ASH1L: variants seen among roughly 807,000 people sequenced by gnomAD.
ASH1L encodes the protein histone-lysine N-methyltransferase ASH1L.
ASH1L carries 23 observed loss-of-function variants against 269.0 expected under a neutral mutation model. The ratio of observed to expected loss-of-function variants is 0.09; its 90% CI spans 0.06 to 0.12. The LOEUF (loss-of-function observed/expected upper bound fraction) is 0.12, where lower values mean the gene tolerates loss of function less well. Ranked by LOEUF, ASH1L falls within the 10% of genes least tolerant of loss-of-function variation. The probability of loss-of-function intolerance (pLI) is 1.00; values close to 1 mark genes in which losing one functional copy is unlikely to be tolerated. For synonymous variants in ASH1L, 1,187 were observed against 1,253.5 expected (o/e 0.95, Z 1.12); for missense variants, 2,912 against 3,567.8 (o/e 0.82, Z 4.68).
chr1:155,514,809 C>T (rs1668389620), intron 2 of ASH1L, among the ~76,000 whole-genome samples: 2 of 152,030 alleles, frequency 1.3e-5, no homozygotes, highest in Admixed American at 1.3e-4. Context: ...GAGCAATCAT[C>T]GAAACTGATC....
chr1:155,375,200 T>C (rs558735348), intron 10 of ASH1L, among the ~76,000 whole-genome samples: 5 of 152,022 alleles, frequency 3.3e-5, no homozygotes, highest in Admixed American at 3.3e-4. Flanking sequence ...AATAAAAGAG[T>C]GCTCAGATAA....
intron 5 of ASH1L, among the ~76,000 whole-genome samples, chr1:155,422,971 G>A (rs1357881022): frequency 2.4e-5 from 3 of 124,084 alleles, no homozygotes; most frequent in South Asian, 2.6e-4. Context: ...TTTTTCAGAC[G>A]GAGTCTCGCT....
At chr1:155,392,485 T>C (rs1304636057) in intron 7 of ASH1L, among the ~76,000 whole-genome samples, 1 of 152,162 alleles carries the variant, frequency 6.6e-6, no homozygotes, top group Non-Finnish European at 1.5e-5. Flanking sequence ...GATGCATTTT[T>C]TTCTTATTTA....
chr1:155,402,601 C>G (rs1434668538), intron 6 of ASH1L, among the ~76,000 whole-genome samples: 1 of 152,142 alleles, frequency 6.6e-6, no homozygotes, highest in Non-Finnish European at 1.5e-5. Flanking sequence ...CCAGGTTGTA[C>G]AGTGGTGCAA....
chr1:155,433,839 C>G lies in ASH1L; in HGVS notation c.5828+4488G>C, dbSNP rs774325974. On this transcript the variant is annotated intron_variant, in intron 5 of 27. Coordinates refer to ENST00000392403, the MANE Select transcript of ASH1L (RefSeq NM_018489.3). Reference sequence around the variant, plus strand: ...GACAACAATGAAAATCTTCAGGAGACATGCAAAGCAGAAACCCTCTTGCAG... The same window carrying G: ...GACAACAATGAAAATCTTCAGGAGAGATGCAAAGCAGAAACCCTCTTGCAG... 47 of 1,606,714 alleles carry G rather than the reference C, an allele frequency of 2.9e-5. No homozygotes were observed. The South Asian group carries it at 5.1e-4, about 18-fold the overall frequency.
intron 2 of ASH1L, among the ~76,000 whole-genome samples, chr1:155,491,428 T>A (rs890525238): frequency 6.6e-5 from 10 of 152,092 alleles, no homozygotes; most frequent in African/African-American, 2.4e-4. Context: ...CAAATACTTA[T>A]GAAAAACTGT....
At chr1:155,351,023 G>A (rs1353110116) in intron 17 of ASH1L, among the ~76,000 whole-genome samples, 1 of 143,886 alleles carries the variant, frequency 6.9e-6, no homozygotes, top group Non-Finnish European at 1.5e-5. Flanking sequence ...AGATCACGAG[G>A]TCAAGAGATT....
In ASH1L at chr1:155,343,630, G is replaced by T; in HGVS notation, c.8094C>A (p.Arg2698=). 1 of 1,614,182 alleles carries T rather than the reference G, an allele frequency of 6.2e-7. No homozygotes were observed. The highest frequency in any genetic ancestry group is 8.5e-7 in the Non-Finnish European group (1 of 1,180,038). The change falls in exon 23 of 28, where the codon CGC becomes CGA. Residue 2698 remains arginine, a synonymous_variant. Coordinates refer to ENST00000392403, the MANE Select transcript of ASH1L (RefSeq NM_018489.3). The surrounding 1 kb of genome is among the most constrained non-coding windows in gnomAD (Gnocchi z 6.1). ...TTTCATTCTTCCAAAGCTTCTCAAT[G>T]CGAAAGATGTCAAGTTTATCTCGGT... is the stretch of plus-strand genomic sequence containing the variant. ...HINRDKLDIF[R]IEKLWKNEKE...
chr1:155,354,516 G>A lies in ASH1L; in HGVS notation c.7170C>T (p.Thr2390=), dbSNP rs761224594. 1 of 1,613,300 alleles carries A rather than the reference G, an allele frequency of 6.2e-7. No individual in the cohort carries two copies. Among genetic ancestry groups the A allele is most frequent in the Non-Finnish European group, 8.5e-7 (1 of 1,179,814 alleles). Residue 2390 remains threonine (T), a synonymous_variant, in exon 16 of 28, where the codon ACC becomes ACT. Transcript: ENST00000392403. ...CATCTCGGCAGATCCCATTCCAACG[G>A]GTATATAATGATGCTGAGTGAATAT... ...SDNIHSASLY[T]RWNGICRDDG...
chr1:155,370,338 G>A (rs1655829370), intron 12 of ASH1L, 166 bp downstream of exon 12: 1 of 776,538 alleles, frequency 1.3e-6, no homozygotes, highest in Non-Finnish European at 2.1e-6. Flanking sequence ...GGAGTGAGAA[G>A]TTAGGGTGAA....
chr1:155,382,769 A>T (rs1221404155), intron 7 of ASH1L, among the ~76,000 whole-genome samples: 1 of 151,158 alleles, frequency 6.6e-6, no homozygotes, highest in Non-Finnish European at 1.5e-5. Flanking sequence ...TCTGTCACCC[A>T]GCCTGGAGTA....
At chr1:155,557,114 A>C (rs1671647332) in intron 1 of ASH1L, among the ~76,000 whole-genome samples, 1 of 152,172 alleles carries the variant, frequency 6.6e-6, no homozygotes, top group African/African-American at 2.4e-5. Context: ...CAAATGACTA[A>C]AGACTATGAA....
chr1:155,340,263 A>G (rs559008592), intron 25 of ASH1L, among the ~76,000 whole-genome samples: 21 of 152,156 alleles, frequency 1.4e-4, no homozygotes, highest in African/African-American at 3.9e-4. Context: ...GGCTCACTGC[A>G]ATCTCTGCCT....
At chr1:155,397,693 G>A (rs73008987) in intron 6 of ASH1L, among the ~76,000 whole-genome samples, 294 of 152,152 alleles carry the variant, frequency 1.9e-3, no homozygotes, top group Non-Finnish European at 1.2e-3. Context: ...TGGGATTACA[G>A]ATGCCAACTA....
intron 12 of ASH1L, among the ~76,000 whole-genome samples, chr1:155,367,168 A>G (rs993528796): frequency 2.0e-5 from 3 of 151,632 alleles, no homozygotes; most frequent in Non-Finnish European, 4.4e-5. Flanking sequence ...TAATTTTTAT[A>G]TTTTTAGTAG....
chr1:155,375,817 T>C (rs1205327178), intron 10 of ASH1L, among the ~76,000 whole-genome samples: 2 of 143,844 alleles, frequency 1.4e-5, no homozygotes, highest in Non-Finnish European at 3.0e-5. Flanking sequence ...AAAAGAAAAA[T>C]GAGACAGTCG....
chr1:155,563,063 G>C (rs192789180), upstream of ASH1L: 1 of 458,680 alleles, frequency 2.2e-6, no homozygotes, highest in Non-Finnish European at 4.4e-6. Context: ...CGAGCCCCAC[G>C]ACAACCTACC....
chr1:155,383,802 T>C (rs1043462864), intron 7 of ASH1L, among the ~76,000 whole-genome samples: 1 of 152,144 alleles, frequency 6.6e-6, no homozygotes, highest in South Asian at 2.1e-4. Context: ...GTTTAATGGG[T>C]ACAGAGTTAC....
intron 5 of ASH1L, chr1:155,434,113 C>G (rs1661872574): frequency 6.9e-6 from 11 of 1,595,162 alleles, no homozygotes; most frequent in Non-Finnish European, 8.5e-6. Context: ...TACCAGTATC[C>G]TTTCCTCTGG....
Sources: allele counts gnomAD v4.1 joint callset (sites outside exome capture counted in the v4.1 genomes callset), GRCh38; gene constraint gnomAD v4.1.1; non-coding constraint Gnocchi (gnomAD v3.1); transcripts MANE v1.5; gene names NCBI Gene and HGNC (gene_info 2026-07-23, HGNC 2026-07-21).